HIBADH: variants seen among roughly 807,000 people sequenced by gnomAD.
HIBADH encodes 3-hydroxyisobutyrate dehydrogenase.
A neutral mutation model predicts 36.1 loss-of-function variants in HIBADH; 25 were observed. The ratio of observed to expected loss-of-function variants is 0.69; its 90% CI spans 0.50 to 0.97. The LOEUF (loss-of-function observed/expected upper bound fraction) is 0.97. Among genes scored for constraint, HIBADH ranks in the 50% least tolerant of loss-of-function variants. The pLI, the probability that HIBADH is intolerant of heterozygous loss-of-function variation, is 0.00. For synonymous variants in HIBADH, 160 were observed against 149.5 expected (o/e 1.07, Z -0.51); for missense variants, 421 against 418.0 (o/e 1.01, Z -0.06).
At chr7:27,559,386 C>T (rs1336633110) in intron 4 of HIBADH, among the ~76,000 whole-genome samples, 2 of 152,026 alleles carry the variant, frequency 1.3e-5, no homozygotes, top group African/African-American at 2.4e-5. Flanking sequence ...TTTTATGAGA[C>T]CAAGGCAGGG....
At chr7:27,648,373 T>C (rs1438650858) in intron 2 of HIBADH, among the ~76,000 whole-genome samples, 1 of 152,186 alleles carries the variant, frequency 6.6e-6, no homozygotes, top group Non-Finnish European at 1.5e-5. Flanking sequence ...CCTCACACTA[T>C]ACTGCTGCAA....
intron 1 of HIBADH, among the ~76,000 whole-genome samples, chr7:27,659,559 AT>A (rs1275976207): frequency 1.1e-4 from 17 of 151,928 alleles, no homozygotes; most frequent in Admixed American, 2.6e-4. Context: ...TACAAAAAAA[AT>A]AAATAAATAA....
At chr7:27,659,353 A>T (rs1311942528) in intron 1 of HIBADH, among the ~76,000 whole-genome samples, 1 of 152,246 alleles carries the variant, frequency 6.6e-6, no homozygotes, top group Non-Finnish European at 1.5e-5. Flanking sequence ...CAAACAGGTG[A>T]TGAAATAGTA....
intron 4 of HIBADH, among the ~76,000 whole-genome samples, chr7:27,592,627 AC>A (rs1243739388): frequency 6.6e-6 from 1 of 152,148 alleles, no homozygotes; most frequent in Admixed American, 6.5e-5. Flanking sequence ...ACAAAAAAAA[AC>A]ATGCGACAAC....
intron 4 of HIBADH, among the ~76,000 whole-genome samples, chr7:27,569,543 AG>A (rs1014303850): frequency 6.6e-6 from 1 of 152,122 alleles, no homozygotes; most frequent in African/African-American, 2.4e-5. Flanking sequence ...TATGCTGTTT[AG>A]GGTCAGATCT....
chr7:27,616,077 T>C (rs1785420334), intron 4 of HIBADH, among the ~76,000 whole-genome samples: 2 of 152,152 alleles, frequency 1.3e-5, no homozygotes, highest in South Asian at 2.1e-4. Context: ...CCAATGCATT[T>C]TCTGAGGGCC....
intron 7 of HIBADH, 51 bp from the exon 8 acceptor site, chr7:27,526,423 T>G: frequency 6.7e-7 from 1 of 1,492,268 alleles, no homozygotes; most frequent in Non-Finnish European, 9.0e-7. Flanking sequence ...TAAAGGCTCT[T>G]TGGAACTGTG....
At chr7:27,629,624 TATTA>T (rs1785712215) in intron 3 of HIBADH, 132 bp from the exon 4 acceptor site, 1 of 529,832 alleles carries the variant, frequency 1.9e-6, no homozygotes, top group African/African-American at 1.9e-5. Flanking sequence ...TTAAAAACAT[TATTA>T]ATTAGAACAC....
chr7:27,602,620 T>C lies in HIBADH; in HGVS notation c.484+26751A>G, dbSNP rs1043476469. Among the ~76,000 whole-genome samples, 5 of 152,332 alleles carry C rather than the reference T, an allele frequency of 3.3e-5. No homozygotes were observed. The Middle Eastern group carries it at 0.01, about 311-fold the overall frequency. ...CATGTTTAGAGCTAAGCTGATATAC[T>C]ATGCCAAAAGTACACTTAAAACTGG... On this transcript the variant is annotated intron_variant, in intron 4 of 7. Transcript: ENST00000265395.
At chr7:27,654,839 C>T (rs1326936909) in intron 1 of HIBADH, among the ~76,000 whole-genome samples, 1 of 152,022 alleles carries the variant, frequency 6.6e-6, no homozygotes, top group East Asian at 1.9e-4. Flanking sequence ...GCACATGCCA[C>T]CAGTCCTGGC....
intron 6 of HIBADH, among the ~76,000 whole-genome samples, chr7:27,536,833 G>C (rs150911780): frequency 6.6e-6 from 1 of 152,164 alleles, no homozygotes; most frequent in African/African-American, 2.4e-5. Flanking sequence ...GAAGCACAGA[G>C]TCAATGGGCA....
chr7:27,597,430 C>T (rs920842343), intron 4 of HIBADH, among the ~76,000 whole-genome samples: 3 of 132,230 alleles, frequency 2.3e-5, no homozygotes, highest in African/African-American at 9.1e-5. Flanking sequence ...TAGCTCCGAG[C>T]TTCCCATAGA....
intron 4 of HIBADH, among the ~76,000 whole-genome samples, chr7:27,595,591 TG>T (rs1785020914): frequency 2.0e-5 from 3 of 147,422 alleles, no homozygotes; most frequent in Non-Finnish European, 4.5e-5. Context: ...TGTGTGTGTG[TG>T]TGTGTGTGTG....
At chr7:27,637,412 A>G (rs1043161733) in intron 2 of HIBADH, among the ~76,000 whole-genome samples, 19 of 152,236 alleles carry the variant, frequency 1.2e-4, no homozygotes, top group African/African-American at 4.1e-4. Context: ...AGATGCTAAA[A>G]GTTGAAATGA....
chr7:27,655,868 C>T (rs781207965), intron 1 of HIBADH, among the ~76,000 whole-genome samples: 8 of 152,078 alleles, frequency 5.3e-5, no homozygotes, highest in Admixed American at 2.6e-4. Context: ...AAAAACTACT[C>T]TTGGTAAGAA....
intron 4 of HIBADH, among the ~76,000 whole-genome samples, chr7:27,583,108 C>CT (rs933355086): frequency 1.3e-5 from 2 of 152,034 alleles, no homozygotes; most frequent in East Asian, 1.9e-4. Flanking sequence ...TTCCACAAAA[C>CT]TTTTTTTTCA....
At chr7:27,579,150 G>C (rs1784755783) in intron 4 of HIBADH, among the ~76,000 whole-genome samples, 1 of 152,156 alleles carries the variant, frequency 6.6e-6, no homozygotes, top group Admixed American at 6.5e-5. Flanking sequence ...GGACAACTGA[G>C]AAAATTTGAA....
chr7:27,612,986 T>A (rs1298287022), intron 4 of HIBADH, among the ~76,000 whole-genome samples: 2 of 137,686 alleles, frequency 1.5e-5, no homozygotes, highest in Non-Finnish European at 3.1e-5. Flanking sequence ...ATATATATAT[T>A]TTATATATAT....
At chr7:27,644,104 C>T (rs1315687963) in intron 2 of HIBADH, among the ~76,000 whole-genome samples, 2 of 152,118 alleles carry the variant, frequency 1.3e-5, no homozygotes, top group Non-Finnish European at 2.9e-5. Flanking sequence ...TTAAAGTATA[C>T]CAAAGGCCCT....
Sources: allele counts gnomAD v4.1 joint callset (sites outside exome capture counted in the v4.1 genomes callset), GRCh38; gene constraint gnomAD v4.1.1; transcripts MANE v1.5; gene names NCBI Gene and HGNC (gene_info 2026-07-23, HGNC 2026-07-21).